The following SYT12 variants were observed in gnomAD, a reference collection of about 807,000 sequenced individuals.
SYT12 encodes synaptotagmin-12.
In SYT12, 27 loss-of-function variants were observed where a neutral mutation model predicts 39.5. The ratio of observed to expected loss-of-function variants is 0.68; its 90% CI spans 0.50 to 0.94. The LOEUF (loss-of-function observed/expected upper bound fraction) is 0.94, where lower values mean the gene tolerates loss of function less well. Among genes scored for constraint, SYT12 ranks in the 40% least tolerant of loss-of-function variants. The probability of loss-of-function intolerance (pLI) is 0.00; values close to 1 mark genes in which losing one functional copy is unlikely to be tolerated. For missense variants in SYT12, 536 were observed against 572.6 expected (o/e 0.94, Z 0.65); for synonymous variants, 233 against 239.7 (o/e 0.97, Z 0.26).
chr11:67,035,719 A>G (rs1002893805), intron 3 of SYT12, among the ~76,000 whole-genome samples: 7 of 151,520 alleles, frequency 4.6e-5, no homozygotes, highest in African/African-American at 1.7e-4. Flanking sequence ...GGCCTCCCAA[A>G]GTACTGGGAT....
In SYT12 at chr11:67,034,698, G is replaced by A. The variant is rs771280410; in HGVS notation, c.88G>A (p.Ala30Thr). 1.9e-6 allele frequency: 3 copies of A among 1,603,354 alleles called. No individual in the cohort carries two copies. Among genetic ancestry groups the A allele is most frequent in the South Asian group, 2.2e-5 (2 of 89,190 alleles). The change falls in exon 3 of 8, where the codon GCC (alanine) becomes ACC (threonine). Residue 30 changes from alanine to threonine, a missense_variant. By Grantham distance (58) the Ala-to-Thr change is moderately conservative. Transcript: ENST00000527043. ...EVGVYAAGAL[A>T]LLGIAAVSLW... The stretch of plus-strand genomic sequence containing the variant: ...GGGTGTCTATGCTGCAGGGGCCCTG[G>A]CCCTGCTGGGAATCGCAGCTGTGAG...
intron 2 of SYT12, chr11:67,031,502 T>A (rs1331764145): frequency 1.3e-5 from 2 of 152,094 alleles, no homozygotes; most frequent in Non-Finnish European, 2.9e-5. Flanking sequence ...ACTCCATGGG[T>A]TAATATACGT....
At chr11:67,035,347 T>C (rs10750792) in intron 3 of SYT12, among the ~76,000 whole-genome samples, 108,695 of 147,934 alleles carry the variant, frequency 0.73, 44,614 homozygotes, top group South Asian at 0.93. Context: ...TTTTTTTTTT[T>C]CAAAATGCTC....
chr11:67,043,219 C>T (rs990875369), intron 4 of SYT12, among the ~76,000 whole-genome samples: 7 of 152,160 alleles, frequency 4.6e-5, no homozygotes, highest in African/African-American at 1.7e-4. Context: ...TCAAACAGTC[C>T]TGGGCCAGGC....
chr11:67,030,010 T>G (rs1306083208), intron 1 of SYT12, 112 bp from the exon 2 acceptor site: 9 of 881,730 alleles, frequency 1.0e-5, no homozygotes, highest in Non-Finnish European at 1.6e-5. Context: ...ACTCCCCTTA[T>G]AGCTGAGTGT....
intron 3 of SYT12, among the ~76,000 whole-genome samples, chr11:67,013,950 G>A (rs1016417346): frequency 1.3e-5 from 2 of 152,318 alleles, no homozygotes; most frequent in Admixed American, 1.3e-4. Context: ...GCTTCCGGGG[G>A]CTGCCAGCAA....
intron 3 of SYT12, among the ~76,000 whole-genome samples, chr11:67,038,992 AT>A (rs1335407777): frequency 3.0e-5 from 4 of 132,100 alleles, no homozygotes; most frequent in African/African-American, 1.6e-4. Flanking sequence ...GTCTCAAAAA[AT>A]AAATAAATAA....
At chr11:67,025,088 G>A (rs1253845680) in intron 1 of SYT12, among the ~76,000 whole-genome samples, 1 of 152,206 alleles carries the variant, frequency 6.6e-6, no homozygotes, top group Non-Finnish European at 1.5e-5. Context: ...CAAGAGCCCA[G>A]GCCCAGATCC....
chr11:67,038,805 ACT>A (rs1439324210), intron 3 of SYT12, among the ~76,000 whole-genome samples: 1 of 147,946 alleles, frequency 6.8e-6, no homozygotes, highest in Non-Finnish European at 1.5e-5. Context: ...TGGCCAACAT[ACT>A]GAAACCCTGT....
chr11:67,021,395 T>C (rs755741681), upstream of SYT12, among the ~76,000 whole-genome samples: 6 of 151,922 alleles, frequency 3.9e-5, no homozygotes, highest in Non-Finnish European at 7.4e-5. Context: ...CTGCAGCCTA[T>C]GCTCCCAGGT....
intron 2 of SYT12, 137 bp downstream of exon 2, chr11:67,030,315 T>G (rs955331400): frequency 9.6e-7 from 1 of 1,045,412 alleles, no homozygotes; most frequent in Non-Finnish European, 1.4e-6. Context: ...GTCAGTGACT[T>G]GCCCAAGGTC....
At chr11:67,016,157 T>G (rs1317851613) in intron 3 of SYT12, among the ~76,000 whole-genome samples, 1 of 152,076 alleles carries the variant, frequency 6.6e-6, no homozygotes, top group Non-Finnish European at 1.5e-5. Context: ...GGCACACACC[T>G]GTAATCCCAG....
intron 1 of SYT12, among the ~76,000 whole-genome samples, chr11:67,007,668 G>A (rs1251527174): frequency 6.6e-6 from 1 of 152,056 alleles, no homozygotes; most frequent in African/African-American, 2.4e-5. Flanking sequence ...GGGTTCAAGC[G>A]ATTCTCCTGC....
intron 3 of SYT12, among the ~76,000 whole-genome samples, chr11:67,035,331 C>CT (rs778976882): frequency 0.036 from 4,942 of 136,456 alleles, 281 homozygotes; most frequent in African/African-American, 0.12. Flanking sequence ...TTCTTTCTTT[C>CT]TTTTTTTTTT....
At chr11:67,010,671 C>T (rs1283736441) in intron 2 of SYT12, among the ~76,000 whole-genome samples, 2 of 152,206 alleles carry the variant, frequency 1.3e-5, no homozygotes, top group Non-Finnish European at 1.5e-5. Flanking sequence ...TGGGACCTGT[C>T]CCTAGGCAGC....
At chr11:67,046,004 G>C (rs1364661466) in intron 7 of SYT12, 127 bp downstream of exon 7, 1 of 1,298,258 alleles carries the variant, frequency 7.7e-7, no homozygotes, top group African/African-American at 1.5e-5. Context: ...TCACTTTCTA[G>C]CAGTTATTGA....
At chr11:67,034,868 C>A (rs372577524) in intron 3 of SYT12, 30 bp downstream of exon 3, 4 of 1,483,922 alleles carry the variant, frequency 2.7e-6, no homozygotes, top group Non-Finnish European at 3.6e-6. Context: ...AGGTGCACAG[C>A]GAGTGCAACC....
At chr11:67,031,027 C>G (rs1481943133) in intron 2 of SYT12, 1 of 152,184 alleles carries the variant, frequency 6.6e-6, no homozygotes, top group African/African-American at 2.4e-5. Flanking sequence ...GAAGGGTGTG[C>G]CCGGGAATCA....
chr11:67,021,359 C>A (rs1950108310), upstream of SYT12, among the ~76,000 whole-genome samples: 1 of 151,358 alleles, frequency 6.6e-6, no homozygotes, highest in African/African-American at 2.4e-5. Context: ...GAGTCTTGCT[C>A]TGCTGCCCAG....
Sources: allele counts gnomAD v4.1 joint callset (sites outside exome capture counted in the v4.1 genomes callset), GRCh38; gene constraint gnomAD v4.1.1; transcripts MANE v1.5; gene names NCBI Gene and HGNC (gene_info 2026-07-23, HGNC 2026-07-21).